The following ZEB1 variants were observed in gnomAD, a reference collection of about 807,000 sequenced individuals.
ZEB1 encodes the protein zinc finger E-box binding homeobox 1, also known as zinc finger E-box-binding homeobox 1.
A neutral mutation model predicts 84.9 loss-of-function variants in ZEB1; 21 were observed. The ratio of observed to expected loss-of-function variants is 0.25; its 90% CI spans 0.18 to 0.36. ZEB1 has a LOEUF of 0.36. ZEB1 is among the 10% of genes least tolerant of loss of function. The pLI, the probability that ZEB1 is intolerant of heterozygous loss-of-function variation, is 1.00. For missense variants in ZEB1, 1,104 were observed against 1,330.2 expected (o/e 0.83, Z 2.65); for synonymous variants, 420 against 471.1 (o/e 0.89, Z 1.41).
chr10:31,330,317 G>A (rs1284721171), intron 1 of ZEB1, among the ~76,000 whole-genome samples: 1 of 152,122 alleles, frequency 6.6e-6, no homozygotes, highest in East Asian at 1.9e-4. Context: ...CTACTTCCCT[G>A]GTTTTGAACA....
intron 2 of ZEB1, among the ~76,000 whole-genome samples, chr10:31,477,507 A>G (rs2064390038): frequency 6.6e-6 from 1 of 152,078 alleles, no homozygotes. Flanking sequence ...AGAAAAAACA[A>G]TCCTGAAGTT....
chr10:31,320,044 G>A (rs1432912328), intron 1 of ZEB1: 5 of 151,548 alleles, frequency 3.3e-5, no homozygotes, highest in Admixed American at 6.6e-5. Flanking sequence ...TCGCGTAACG[G>A]GGATTAGAGG....
At chr10:31,474,974 C>G (rs1252605100) in intron 2 of ZEB1, among the ~76,000 whole-genome samples, 22 of 151,264 alleles carry the variant, frequency 1.5e-4, no homozygotes, top group Admixed American at 4.0e-4. Context: ...AAAAATCAAA[C>G]ACCGCATATT....
At chr10:31,477,493 A>G (rs1415695264) in intron 2 of ZEB1, among the ~76,000 whole-genome samples, 2 of 152,072 alleles carry the variant, frequency 1.3e-5, no homozygotes, top group East Asian at 1.9e-4. Flanking sequence ...TTCTTCACAG[A>G]ATTAGAAAAA....
chr10:31,456,181 C>T (rs1038612917), intron 1 of ZEB1, among the ~76,000 whole-genome samples: 1 of 152,188 alleles, frequency 6.6e-6, no homozygotes, highest in Non-Finnish European at 1.5e-5. Context: ...ACCGCATGTT[C>T]TCACTCATGG....
chr10:31,352,316 T>G (rs1402490912), intron 1 of ZEB1, among the ~76,000 whole-genome samples: 1 of 152,234 alleles, frequency 6.6e-6, no homozygotes, highest in African/African-American at 2.4e-5. Context: ...TAAGCGTTAC[T>G]GTGATTTTCC....
chr10:31,417,786 G>A (rs1360831065), intron 1 of ZEB1, among the ~76,000 whole-genome samples: 1 of 151,690 alleles, frequency 6.6e-6, no homozygotes, highest in Non-Finnish European at 1.5e-5. Flanking sequence ...GTTTCATAAA[G>A]TGCTTGATTC....
intron 3 of ZEB1, among the ~76,000 whole-genome samples, chr10:31,501,992 AC>A (rs1443054963): frequency 6.6e-6 from 1 of 152,168 alleles, no homozygotes; most frequent in Non-Finnish European, 1.5e-5. Flanking sequence ...TAAGAAGGTG[AC>A]CTTTGAGAAC....
chr10:31,405,093 A>G (rs899263231), intron 1 of ZEB1, among the ~76,000 whole-genome samples: 7 of 152,146 alleles, frequency 4.6e-5, no homozygotes, highest in Non-Finnish European at 8.8e-5. Flanking sequence ...GGAAGCAGAA[A>G]TTTCTTGTCT....
intron 1 of ZEB1, among the ~76,000 whole-genome samples, chr10:31,421,317 G>C (rs1234090500): frequency 6.6e-6 from 1 of 152,032 alleles, no homozygotes; most frequent in Non-Finnish European, 1.5e-5. Flanking sequence ...ACTTATGAGA[G>C]GGGCTACACA....
chr10:31,352,942 G>A (rs552059690), intron 1 of ZEB1, among the ~76,000 whole-genome samples: 8 of 152,304 alleles, frequency 5.3e-5, no homozygotes, highest in African/African-American at 1.7e-4. Flanking sequence ...ATGTATTGTT[G>A]CAGCCATCTA....
At chr10:31,346,513 T>C (rs1022720027) in intron 1 of ZEB1, among the ~76,000 whole-genome samples, 9 of 152,090 alleles carry the variant, frequency 5.9e-5, no homozygotes, top group African/African-American at 1.9e-4. Context: ...GGAGTAAAAA[T>C]ACTGCTTTTA....
At chr10:31,364,647 C>T (rs1170098084) in intron 1 of ZEB1, among the ~76,000 whole-genome samples, 1 of 152,226 alleles carries the variant, frequency 6.6e-6, no homozygotes, top group Non-Finnish European at 1.5e-5. Context: ...ACTGGATGCA[C>T]CTCTTACCAC....
intron 1 of ZEB1, among the ~76,000 whole-genome samples, chr10:31,410,222 G>A (rs2053982293): frequency 6.6e-6 from 1 of 151,942 alleles, no homozygotes; most frequent in Non-Finnish European, 1.5e-5. Flanking sequence ...GCATGAACGG[G>A]TGTTGAATTT....
At chr10:31,515,248 T>C (rs1036828895) in intron 6 of ZEB1, among the ~76,000 whole-genome samples, 1 of 152,098 alleles carries the variant, frequency 6.6e-6, no homozygotes, top group Non-Finnish European at 1.5e-5. Flanking sequence ...CATGTCATTC[T>C]GTAAATTATT....
chr10:31,476,703 T>C (rs892765994), intron 2 of ZEB1, among the ~76,000 whole-genome samples: 1 of 152,016 alleles, frequency 6.6e-6, no homozygotes, highest in Non-Finnish European at 1.5e-5. Flanking sequence ...AAAAACAAAA[T>C]GTATCACAAT....
chr10:31,372,231 T>G (rs2045847130), intron 1 of ZEB1, among the ~76,000 whole-genome samples: 1 of 152,100 alleles, frequency 6.6e-6, no homozygotes, highest in South Asian at 2.1e-4. Flanking sequence ...TGATTGTATT[T>G]TTGCTAAAGA....
At chr10:31,525,591 C>T (rs555504274) in intron 8 of ZEB1, among the ~76,000 whole-genome samples, 1 of 152,314 alleles carries the variant, frequency 6.6e-6, no homozygotes, top group South Asian at 2.1e-4. Flanking sequence ...CCCCTACCTG[C>T]TCTTCCCTGC....
At chr10:31,443,193 T>A (rs979542700) in intron 1 of ZEB1, among the ~76,000 whole-genome samples, 1 of 152,230 alleles carries the variant, frequency 6.6e-6, no homozygotes, top group Non-Finnish European at 1.5e-5. Context: ...TGCGAATTGC[T>A]TGTGCATATT....
Sources: allele counts gnomAD v4.1 joint callset (sites outside exome capture counted in the v4.1 genomes callset), GRCh38; gene constraint gnomAD v4.1.1; transcripts MANE v1.5; gene names NCBI Gene and HGNC (gene_info 2026-07-23, HGNC 2026-07-21).